Variants in CCDC170 observed in about 807,000 individuals in gnomAD.
CCDC170 encodes the protein coiled-coil domain-containing protein 170.
CCDC170 carries 69 observed loss-of-function variants against 72.6 expected under a neutral mutation model. The ratio of observed to expected loss-of-function variants is 0.95; its 90% CI spans 0.78 to 1.16. The LOEUF is 1.16. CCDC170 is among the 50% of genes most tolerant of loss of function. The probability of loss-of-function intolerance (pLI) is 0.00; values close to 1 mark genes in which losing one functional copy is unlikely to be tolerated. For synonymous variants in CCDC170, 300 were observed against 303.9 expected, an observed-to-expected ratio of 0.99 and a Z score of 0.13; for missense variants, 852 against 832.5, an observed-to-expected ratio of 1.02 and a Z score of -0.29.
chr6:151,509,711 G>T (rs1455054681), intron 1 of CCDC170, among the ~76,000 whole-genome samples: 2 of 152,154 alleles, frequency 1.3e-5, no homozygotes, highest in Non-Finnish European at 2.9e-5. Context: ...ATTACTTATG[G>T]AAATGCAAGT....
At position 151,544,510 on chromosome 6, in the gene CCDC170, GGTTTGATGAAT is replaced by G. The variant is rs1782741620; in HGVS notation, c.444-58_444-48del. On this transcript the variant is annotated intron_variant, in intron 3 of 10. Coordinates refer to ENST00000239374, the MANE Select transcript of CCDC170 (RefSeq NM_025059.4). ...CCCCATAGAGCTTATATTCTGACTT[GGTTTGATGAAT>G]GTTATCTTCCATGGTGTTAAATTCT... 3.4e-6 allele frequency: 5 copies of G among 1,481,602 alleles called. No homozygotes were observed. The East Asian group carries it at 1.2e-4, about 35-fold the overall frequency. 91.8% of individuals were successfully genotyped at this position (1,481,602 alleles called of 1,614,324 possible).
rs1354802838 is a variant in CCDC170 at position 151,580,958 on chromosome 6, C to T, written c.1093-4931C>T. Among the ~76,000 whole-genome samples the T allele has an allele frequency of 2.0e-5, 3 of 152,134 alleles. No homozygotes were observed. In the East Asian group the frequency reaches 5.8e-4, roughly 29 times the overall value. ...TATTAAGTGTGCAATAACCCTATAT[C>T]TAAAAAACAATATAGATACTTTAAT... On this transcript the variant is annotated intron_variant, in intron 6 of 10. Coordinates refer to ENST00000239374, the MANE Select transcript of CCDC170 (RefSeq NM_025059.4).
chr6:151,608,044 G>T (rs1310410789), intron 9 of CCDC170, among the ~76,000 whole-genome samples: 1 of 151,724 alleles, frequency 6.6e-6, no homozygotes, highest in Non-Finnish European at 1.5e-5. Context: ...TTTTGGACTG[G>T]GTTATTTCAA....
At chr6:151,526,645 A>G (rs1412413501) in intron 1 of CCDC170, among the ~76,000 whole-genome samples, 1 of 151,642 alleles carries the variant, frequency 6.6e-6, no homozygotes, top group African/African-American at 2.4e-5. Context: ...CCTCCTGAGT[A>G]GCTGGGATTA....
At chr6:151,561,917 A>G (rs975398208) in intron 5 of CCDC170, among the ~76,000 whole-genome samples, 1 of 152,088 alleles carries the variant, frequency 6.6e-6, no homozygotes, top group African/African-American at 2.4e-5. Context: ...TCATTTTTAA[A>G]ATTATTTTTA....
At chr6:151,537,276 T>C (rs951627767) in intron 2 of CCDC170, among the ~76,000 whole-genome samples, 1 of 152,206 alleles carries the variant, frequency 6.6e-6, no homozygotes, top group African/African-American at 2.4e-5. Flanking sequence ...CAAGGAGTTC[T>C]AGACTGGCCT....
chr6:151,551,828 A>T (rs9371538), intron 5 of CCDC170, among the ~76,000 whole-genome samples: 21,980 of 152,144 alleles, frequency 0.14, 2,101 homozygotes, highest in East Asian at 0.5. Flanking sequence ...TCGTGCTGAG[A>T]TTCCTGACCC....
intron 6 of CCDC170, among the ~76,000 whole-genome samples, chr6:151,577,371 C>T (rs1871859): frequency 0.18 from 28,005 of 152,056 alleles, 3,121 homozygotes; most frequent in East Asian, 0.53. Context: ...CAGGTTCCCA[C>T]GAATTCTAAA....
chr6:151,513,286 A>G (rs1037584223), intron 1 of CCDC170, among the ~76,000 whole-genome samples: 1 of 152,210 alleles, frequency 6.6e-6, no homozygotes, highest in Non-Finnish European at 1.5e-5. Flanking sequence ...TAAAAAGCAC[A>G]TGATATATTT....
chr6:151,596,226 A>C, intron 8 of CCDC170, 109 bp from the exon 9 acceptor site: 1 of 1,286,798 alleles, frequency 7.8e-7, no homozygotes, highest in Non-Finnish European at 1.0e-6. Context: ...GATGGTTTAC[A>C]AATTACTCTT....
At chr6:151,544,475 C>A in intron 3 of CCDC170, 97 bp from the exon 4 acceptor site, 1 of 1,168,322 alleles carries the variant, frequency 8.6e-7, no homozygotes, top group Non-Finnish European at 1.2e-6. Flanking sequence ...TTGAAAATGA[C>A]AATTATTTCC....
intron 5 of CCDC170, among the ~76,000 whole-genome samples, chr6:151,563,773 CAG>C (rs1776083913): frequency 6.6e-6 from 1 of 152,156 alleles, no homozygotes; most frequent in African/African-American, 2.4e-5. Context: ...GTTTAACAGT[CAG>C]GGGATAGTCA....
rs76243797 is a variant in CCDC170 at position 151,548,222 on chromosome 6, G to A, written c.589-82G>A. The A allele has an allele frequency of 1.9e-3, 2,291 of 1,179,964 alleles. 42 individuals carry two copies. In the African/African-American group the frequency reaches 0.031, roughly 16 times the overall value. The allele number at this position is 1,179,964 out of a possible 1,614,324, so 73.1% of individuals were successfully genotyped here. ...GCTCTTACATTTTTCATATGATAAT[G>A]CAGTCTATAGATGTGACTTGCTTAG... is the stretch of plus-strand genomic sequence containing the variant. On this transcript the variant is annotated intron_variant, in intron 4 of 10. Coordinates refer to ENST00000239374, the MANE Select transcript of CCDC170 (RefSeq NM_025059.4).
At chr6:151,588,369 T>C (rs1293900084) in intron 7 of CCDC170, among the ~76,000 whole-genome samples, 1 of 152,080 alleles carries the variant, frequency 6.6e-6, no homozygotes, top group African/African-American at 2.4e-5. Context: ...CCATGCATAA[T>C]TTTTGAGGTA....
At chr6:151,586,930 G>A (rs947026522) in intron 7 of CCDC170, among the ~76,000 whole-genome samples, 4 of 151,772 alleles carry the variant, frequency 2.6e-5, no homozygotes, top group Non-Finnish European at 5.9e-5. Flanking sequence ...GATTACAGGC[G>A]CCCGCCACCA....
chr6:151,571,591 G>T (rs566994093), intron 5 of CCDC170, among the ~76,000 whole-genome samples: 2 of 152,152 alleles, frequency 1.3e-5, no homozygotes, highest in African/African-American at 4.8e-5. Flanking sequence ...GCTGGGCGTG[G>T]TGGCACTTGC....
chr6:151,592,983 C>G, intron 7 of CCDC170, 124 bp from the exon 8 acceptor site: 2 of 1,034,298 alleles, frequency 1.9e-6, no homozygotes, highest in South Asian at 3.1e-5. Flanking sequence ...AGTCCGTGCT[C>G]CGTTCCATGC....
chr6:151,531,951 T>C (rs1245785040), intron 1 of CCDC170, among the ~76,000 whole-genome samples: 1 of 152,232 alleles, frequency 6.6e-6, no homozygotes. Flanking sequence ...TGTATGTTTA[T>C]GGGAACTACA....
chr6:151,599,637 C>A (rs1340874), intron 9 of CCDC170, among the ~76,000 whole-genome samples: 60,885 of 151,856 alleles, frequency 0.4, 17,332 homozygotes, highest in African/African-American at 0.78. Flanking sequence ...TTGTCAGGAA[C>A]GAGACTGAGA....
Sources: gnomAD v4.1 joint callset for allele counts (sites outside exome capture counted in the v4.1 genomes callset) on GRCh38, gnomAD v4.1.1 for gene constraint, MANE v1.5 for transcripts, NCBI Gene and HGNC (gene_info 2026-07-23, HGNC 2026-07-21) for gene names.